The following PLCG2 variants were observed in gnomAD, a reference collection of about 807,000 sequenced individuals.
PLCG2 encodes phospholipase C gamma 2, also known as 1-phosphatidylinositol 4,5-bisphosphate phosphodiesterase gamma-2.
In PLCG2, 69 loss-of-function variants were observed where a neutral mutation model predicts 175.6. That is an observed-to-expected ratio of 0.39 (90% CI 0.32 to 0.48). The LOEUF is 0.48. Among genes scored for constraint, PLCG2 ranks in the 20% least tolerant of loss-of-function variants. The pLI, the probability that PLCG2 is intolerant of heterozygous loss-of-function variation, is 0.91. For missense variants in PLCG2, 1,798 were observed against 1,650.9 expected, an observed-to-expected ratio of 1.09 and a Z score of -1.54; for synonymous variants, 827 against 624.0, an observed-to-expected ratio of 1.33 and a Z score of -4.85.
In PLCG2 at chr16:81,889,408, G is replaced by C. The variant is rs1219325561; in HGVS notation, c.867+135G>C. The C allele has an allele frequency of 5.1e-6, 3 of 584,818 alleles. No individual in the cohort carries two copies. The African/African-American group carries it at 5.7e-5, about 11-fold the overall frequency. 36.2% of individuals were successfully genotyped at this position (584,818 alleles called of 1,614,324 possible). On this transcript the variant is annotated intron_variant, in intron 10 of 32. Transcript: ENST00000564138. The stretch of plus-strand genomic sequence containing the variant: ...GTTGCCTCGACTGACTGGTTAGCTG[G>C]GATTGTTTCTTTTCTTTTCTTTTCT...
intron 2 of PLCG2, chr16:81,767,643 AG>A (rs1259720275): frequency 1.3e-5 from 2 of 151,946 alleles, no homozygotes; most frequent in African/African-American, 4.8e-5. Flanking sequence ...TACAGTTCTG[AG>A]GTTTTTTTTA....
intron 2 of PLCG2, among the ~76,000 whole-genome samples, chr16:81,799,521 C>G (rs1019207698): frequency 6.6e-6 from 1 of 152,162 alleles, no homozygotes; most frequent in Non-Finnish European, 1.5e-5. Flanking sequence ...AACTCCTGGC[C>G]TCAAGAGATC....
At chr16:81,853,302 G>C (rs192875157) in intron 2 of PLCG2, among the ~76,000 whole-genome samples, 2 of 150,710 alleles carry the variant, frequency 1.3e-5, no homozygotes, top group East Asian at 3.9e-4. Flanking sequence ...CTGCACTCCA[G>C]ACTGGGTGAC....
At chr16:81,929,104 C>A (rs1341914394) in intron 24 of PLCG2, among the ~76,000 whole-genome samples, 1 of 152,230 alleles carries the variant, frequency 6.6e-6, no homozygotes, top group Non-Finnish European at 1.5e-5. Flanking sequence ...CCCAGCCCGC[C>A]CACGTTGACC....
chr16:81,757,110 C>G (rs1398111255), intron 2 of PLCG2, among the ~76,000 whole-genome samples: 1 of 152,126 alleles, frequency 6.6e-6, no homozygotes, highest in Non-Finnish European at 1.5e-5. Context: ...AGTTGCATCT[C>G]TTTTACTTTT....
In PLCG2 at chr16:81,936,155, T is replaced by A; in HGVS notation, c.2843-14T>A. The A allele has an allele frequency of 1.9e-6, 3 of 1,613,548 alleles. No individual in the cohort carries two copies. The highest frequency in any genetic ancestry group is 1.3e-5 in the African/African-American group (1 of 75,046). On this transcript the variant is annotated splice_polypyrimidine_tract_variant and intron_variant, in intron 26 of 32. Coordinates refer to ENST00000564138, the MANE Select transcript of PLCG2 (RefSeq NM_002661.5). ...AGACACAGAAGTACTGATGACCTTT[T>A]TCTCTGTGTGCAGAAAATCCTGACT...
intron 31 of PLCG2, among the ~76,000 whole-genome samples, chr16:81,946,926 C>T (rs1177434752): frequency 4.1e-5 from 6 of 146,808 alleles, no homozygotes; most frequent in African/African-American, 1.5e-4. Flanking sequence ...CTTAGTGAAG[C>T]TTATCCCTCC....
At position 81,773,797 on chromosome 16, in the gene PLCG2, G is replaced by A. The variant is rs570991065; in HGVS notation, c.-47-12146G>A. 7.9e-5 allele frequency among the ~76,000 whole-genome samples: 12 copies of A among 152,162 alleles called. No individual in the cohort carries two copies. In the East Asian group the frequency reaches 2.3e-3, roughly 29 times the overall value. On this transcript the variant is annotated intron_variant, in intron 2 of 5. Coordinates refer to the PLCG2 transcript ENST00000565054. ...CAAAGAAGAAAGTGAAGCTTACAGC[G>A]GCTGCAAATGCTGTGCAGAGCTACA...
chr16:81,958,319 C>A lies in PLCG2; in HGVS notation c.*321C>A, dbSNP rs970256762. 5 of 357,262 alleles carry A rather than the reference C, an allele frequency of 1.4e-5. No homozygotes were observed. The highest frequency in any genetic ancestry group is 1.5e-5 in the Non-Finnish European group (3 of 195,148). The allele number at this position is 357,262 out of a possible 1,614,324, so 22.1% of individuals were successfully genotyped here. On this transcript the variant is annotated 3_prime_UTR_variant, in exon 33 of 33. Transcript: ENST00000564138. ...ATCAATTAAGCCTTCTGTTGCACGA[C>A]CTGTGCAGTGAACAGGATTTCTTTT...
intron 2 of PLCG2, among the ~76,000 whole-genome samples, chr16:81,766,077 T>C (rs1374863265): frequency 6.6e-6 from 1 of 152,230 alleles, no homozygotes; most frequent in Non-Finnish European, 1.5e-5. Flanking sequence ...CTACCTCTTC[T>C]GTCTCCTGTC....
intron 1 of PLCG2, among the ~76,000 whole-genome samples, chr16:81,749,823 C>T (rs114031624): frequency 8.5e-5 from 13 of 152,334 alleles, no homozygotes; most frequent in African/African-American, 3.1e-4. Flanking sequence ...TTCAAGGATA[C>T]ATGTCCAAAG....
At chr16:81,867,671 G>A (rs1313283516) in intron 5 of PLCG2, among the ~76,000 whole-genome samples, 1 of 151,600 alleles carries the variant, frequency 6.6e-6, no homozygotes, top group East Asian at 1.9e-4. Flanking sequence ...CTTTTGCCTG[G>A]GACGTGTTCT....
intron 5 of PLCG2, among the ~76,000 whole-genome samples, chr16:81,864,440 G>C (rs542513977): frequency 6.6e-6 from 1 of 152,248 alleles, no homozygotes; most frequent in South Asian, 2.1e-4. Context: ...AGACAGCACA[G>C]ATGTCTCCAT....
intron 2 of PLCG2, among the ~76,000 whole-genome samples, chr16:81,758,516 G>C (rs929645853): frequency 6.6e-6 from 1 of 152,104 alleles, no homozygotes; most frequent in African/African-American, 2.4e-5. Context: ...TATTTACCTA[G>C]GAGTGGCCTT....
intron 5 of PLCG2, among the ~76,000 whole-genome samples, chr16:81,863,707 C>A (rs1031257626): frequency 3.3e-5 from 5 of 152,224 alleles, no homozygotes; most frequent in African/African-American, 1.2e-4. Flanking sequence ...CTGTTTTCTT[C>A]ATATCCTCAC....
intron 19 of PLCG2, among the ~76,000 whole-genome samples, chr16:81,919,241 G>GAGGAGCTGT: frequency 6.6e-6 from 1 of 152,328 alleles, no homozygotes; most frequent in Admixed American, 6.5e-5. Context: ...GGAAGGGTAA[G>GAGGAGCTGT]AGGAGCTGTT....
intron 16 of PLCG2, 48 bp from the exon 17 acceptor site, chr16:81,908,368 G>A: frequency 6.5e-7 from 1 of 1,546,950 alleles, no homozygotes. Flanking sequence ...AGTGATGCTG[G>A]GGTTTGGTCC....
chr16:81,900,526 C>A, intron 13 of PLCG2, 86 bp from the exon 14 acceptor site: 1 of 1,268,014 alleles, frequency 7.9e-7, no homozygotes, highest in Non-Finnish European at 1.1e-6. Context: ...TTCTGTCGTC[C>A]CAGGGAGCTG....
At chr16:81,802,093 CTTTTTTTTTTTTTTTTTTTTT>C (rs1157731599) in intron 2 of PLCG2, among the ~76,000 whole-genome samples, 25 of 40,016 alleles carry the variant, frequency 6.2e-4, no homozygotes, top group South Asian at 1.6e-3. Context: ...TGAGTACAGT[CTTTTTTTTTTTTTTTTTTTTT>C]TTTTTTTTTT....
Sources: gnomAD v4.1 joint callset for allele counts (sites outside exome capture counted in the v4.1 genomes callset) on GRCh38, gnomAD v4.1.1 for gene constraint, MANE v1.5 for transcripts, NCBI Gene and HGNC (gene_info 2026-07-23, HGNC 2026-07-21) for gene names.